SLC36A4: variants seen among roughly 807,000 people sequenced by gnomAD.
SLC36A4 encodes solute carrier family 36 member 4, also known as neutral amino acid uniporter 4.
Under a neutral mutation model 50.5 loss-of-function variants are expected in SLC36A4, and 49 were observed. The ratio of observed to expected loss-of-function variants is 0.97; its 90% CI spans 0.77 to 1.23. The LOEUF (loss-of-function observed/expected upper bound fraction) is 1.23, where lower values mean the gene tolerates loss of function less well. Among genes scored for constraint, SLC36A4 ranks in the 50% most tolerant of loss-of-function variants. The pLI is 0.00. For synonymous variants in SLC36A4, 207 were observed against 206.5 expected (o/e 1.00, Z -0.02); for missense variants, 611 against 608.4 (o/e 1.00, Z -0.05).
chr11:93,155,072 T>C (rs1278140228), intron 9 of SLC36A4: 2 of 152,042 alleles, frequency 1.3e-5, no homozygotes, highest in Admixed American at 1.3e-4. Flanking sequence ...TAAACGTTAA[T>C]GACATGAAGA....
At position 93,182,796 on chromosome 11, in the gene SLC36A4, C is replaced by T; in HGVS notation, c.359+10G>A. On this transcript the variant is annotated intron_variant, in intron 4 of 10. Transcript: ENST00000326402. Reference sequence around the variant, plus strand: ...TTTAAAATAAATAGGCTTAACAAATCCACATTTACCTCAGACATAGAAAGT... The same window carrying T: ...TTTAAAATAAATAGGCTTAACAAATTCACATTTACCTCAGACATAGAAAGT... 1 of 1,586,058 alleles carries T rather than the reference C, an allele frequency of 6.3e-7. No individual in the cohort carries two copies. Among genetic ancestry groups the T allele is most frequent in the Non-Finnish European group, 8.6e-7 (1 of 1,159,710 alleles).
At chr11:93,170,619 T>C (rs1160021147) in intron 6 of SLC36A4, among the ~76,000 whole-genome samples, 5 of 152,110 alleles carry the variant, frequency 3.3e-5, no homozygotes, top group African/African-American at 1.2e-4. Flanking sequence ...CTACAATCAA[T>C]GATCTTTGAT....
At chr11:93,168,313 A>G (rs977907688) in intron 6 of SLC36A4, 142 bp from the exon 7 acceptor site, 7 of 460,646 alleles carry the variant, frequency 1.5e-5, no homozygotes, top group African/African-American at 1.2e-4. Context: ...TTACATTTAC[A>G]TTTTTTCAAG....
chr11:93,188,246 G>A (rs950129010), intron 1 of SLC36A4, among the ~76,000 whole-genome samples: 1 of 152,188 alleles, frequency 6.6e-6, no homozygotes, highest in Non-Finnish European at 1.5e-5. Flanking sequence ...TTTAGGGGAG[G>A]ATGTGTTGAG....
intron 9 of SLC36A4, among the ~76,000 whole-genome samples, chr11:93,162,401 C>A (rs535123883): frequency 1.3e-5 from 2 of 152,036 alleles, no homozygotes; most frequent in Non-Finnish European, 1.5e-5. Context: ...CTCCGCCTCC[C>A]GGGTTCAAGC....
intron 6 of SLC36A4, chr11:93,171,304 A>G (rs1477141008): frequency 6.6e-6 from 1 of 152,102 alleles, no homozygotes; most frequent in Non-Finnish European, 1.5e-5. Flanking sequence ...GGAGAAAGTC[A>G]CCAATTCTAA....
intron 10 of SLC36A4, 55 bp from the exon 11 acceptor site, chr11:93,148,899 A>C: frequency 7.0e-7 from 1 of 1,422,118 alleles, no homozygotes; most frequent in Admixed American, 2.1e-5. Context: ...TACTTACATG[A>C]ATATTAACAG....
chr11:93,190,128 A>T (rs1862152254), intron 1 of SLC36A4, among the ~76,000 whole-genome samples: 1 of 152,134 alleles, frequency 6.6e-6, no homozygotes, highest in Admixed American at 6.5e-5. Flanking sequence ...ATTAATTTTC[A>T]ATGTTACATT....
Position 93,180,823 on chromosome 11 carries a change from CA to C in SLC36A4, c.513del (p.Ile171MetfsTer4). The C allele has an allele frequency of 6.2e-7, 1 of 1,612,222 alleles. No individual in the cohort carries two copies. Among genetic ancestry groups the C allele is most frequent in the Non-Finnish European group, 8.5e-7 (1 of 1,178,972 alleles). On this transcript the variant is annotated frameshift_variant, in exon 6 of 11. Coordinates refer to ENST00000326402, the MANE Select transcript of SLC36A4 (RefSeq NM_152313.4). LOFTEE classifies it high-confidence loss of function. ...TGTTTCACATTTTCAGCTAAGAAGA[CA>C]ATATAAACACTACAGAATCCCAGCT... is the stretch of plus-strand genomic sequence containing the variant. ...ITQLGFCSVY[I>X]VFLAENVKQV...
rs150888576 is a variant in SLC36A4, at chr11:93,147,504, G to C, written c.*1033C>G. The C allele has an allele frequency of 6.6e-6, 1 of 152,192 alleles. No individual in the cohort carries two copies. Among genetic ancestry groups the C allele is most frequent in the African/African-American group, 2.4e-5 (1 of 41,546 alleles). The allele number at this position is 152,192 out of a possible 1,614,324, so 9.4% of individuals were successfully genotyped here. A position where few individuals can be genotyped will look rare whatever the true frequency, so the allele number is the denominator to read the frequency against. ...ATCTTACTAGCCAGGAGTTTCACCAGCAAGCGGTCTCTATTCTGTTTTAAA... is the reference window on the plus strand; with the variant it reads ...ATCTTACTAGCCAGGAGTTTCACCACCAAGCGGTCTCTATTCTGTTTTAAA... On this transcript the variant is annotated 3_prime_UTR_variant, in exon 11 of 11. Coordinates refer to ENST00000326402, the MANE Select transcript of SLC36A4 (RefSeq NM_152313.4).
At position 93,197,795 on chromosome 11, in the gene SLC36A4, G is replaced by A; in HGVS notation, c.38C>T (p.Ala13Val). 6.3e-7 allele frequency: 1 copy of A among 1,584,564 alleles called. No homozygotes were observed. Among genetic ancestry groups the A allele is most frequent in the South Asian group, 1.1e-5 (1 of 89,274 alleles). Residue 13 changes from alanine to valine, a missense_variant, in exon 1 of 11, where the codon GCG becomes GTG. By Grantham distance (64) the Ala-to-Val change is moderately conservative. Coordinates refer to ENST00000326402, the MANE Select transcript of SLC36A4 (RefSeq NM_152313.4). ...AAATPAAAGAARREELDMDVM... is the reference protein window; with the variant it reads ...AAATPAAAGAVRREELDMDVM... Reference sequence around the variant, plus strand: ...ACACCGACCTAGCTCCTCGCGCCTCGCCGCCCCGGCAGCCGCCGGCGTCGC... The same window carrying A: ...ACACCGACCTAGCTCCTCGCGCCTCACCGCCCCGGCAGCCGCCGGCGTCGC...
At chr11:93,168,738 T>C (rs1860995086) in intron 6 of SLC36A4, among the ~76,000 whole-genome samples, 1 of 152,024 alleles carries the variant, frequency 6.6e-6, no homozygotes, top group Admixed American at 6.6e-5. Flanking sequence ...TCCACTACAT[T>C]CATGCATGGC....
chr11:93,173,759 G>A (rs61920512), intron 6 of SLC36A4, among the ~76,000 whole-genome samples: 13 of 82,852 alleles, frequency 1.6e-4, no homozygotes, highest in African/African-American at 5.8e-4. Context: ...ATAGTTGTAG[G>A]TATGCGGCAT....
intron 1 of SLC36A4, among the ~76,000 whole-genome samples, chr11:93,195,741 C>A (rs1412075249): frequency 6.6e-6 from 1 of 152,184 alleles, no homozygotes; most frequent in Non-Finnish European, 1.5e-5. Context: ...CCTTGCTATT[C>A]CTTTAGTTAT....
intron 1 of SLC36A4, among the ~76,000 whole-genome samples, chr11:93,186,159 C>T (rs1861975256): frequency 6.6e-6 from 1 of 152,146 alleles, no homozygotes; most frequent in African/African-American, 2.4e-5. Context: ...CGCTGCTTAG[C>T]TTCAAATCAT....
At chr11:93,161,195 A>G (rs1023522426) in intron 9 of SLC36A4, among the ~76,000 whole-genome samples, 2 of 152,190 alleles carry the variant, frequency 1.3e-5, no homozygotes, top group Non-Finnish European at 2.9e-5. Context: ...AACATTGTAC[A>G]GTATTTGAAA....
chr11:93,145,627 C>T lies in SLC36A4; in HGVS notation c.*2910G>A, dbSNP rs1489537218. The T allele has an allele frequency of 6.6e-6, 1 of 152,022 alleles. No individual in the cohort carries two copies. The highest frequency in any genetic ancestry group is 6.6e-5 in the Admixed American group (1 of 15,236). 9.4% of individuals were successfully genotyped at this position (152,022 alleles called of 1,614,324 possible). ...GGTAAATAAAGCTTTCCTTTCTTTC[C>T]CCTCAGTAGCAGAAAAGTCTCTCAG... is the stretch of plus-strand genomic sequence containing the variant. On this transcript the variant is annotated 3_prime_UTR_variant, in exon 11 of 11. Transcript: ENST00000326402.
Position 93,144,200 on chromosome 11 carries a change from T to C in SLC36A4, c.*4337A>G, listed in dbSNP as rs1859807595. Reference sequence around the variant, plus strand: ...GCAAGCAAAATATTTTATTGAAAATTCAGAAAAGTTACAACACTTTAAGAC... The same window carrying C: ...GCAAGCAAAATATTTTATTGAAAATCCAGAAAAGTTACAACACTTTAAGAC... On this transcript the variant is annotated 3_prime_UTR_variant, in exon 11 of 11. Coordinates refer to ENST00000326402, the MANE Select transcript of SLC36A4 (RefSeq NM_152313.4). 1 of 152,092 alleles carries C rather than the reference T, an allele frequency of 6.6e-6. No individual in the cohort carries two copies. Among genetic ancestry groups the C allele is most frequent in the Non-Finnish European group, 1.5e-5 (1 of 67,988 alleles). 9.4% of individuals were successfully genotyped at this position (152,092 alleles called of 1,614,324 possible). A position where few individuals can be genotyped will look rare whatever the true frequency, so the allele number is the denominator to read the frequency against.
At chr11:93,190,049 A>G (rs17549982) in intron 1 of SLC36A4, among the ~76,000 whole-genome samples, 19,349 of 152,200 alleles carry the variant, frequency 0.13, 1,427 homozygotes, top group Non-Finnish European at 0.16. Context: ...TTTAGCAGCT[A>G]TCATATTTAT....
Sources: allele counts gnomAD v4.1 joint callset (sites outside exome capture counted in the v4.1 genomes callset), GRCh38; gene constraint gnomAD v4.1.1; transcripts MANE v1.5; gene names NCBI Gene and HGNC (gene_info 2026-07-23, HGNC 2026-07-21).